RALGPS1: variants seen among roughly 807,000 people sequenced by gnomAD.
The protein encoded by RALGPS1 is Ral GEF with PH domain and SH3 binding motif 1.
A neutral mutation model predicts 78.8 loss-of-function variants in RALGPS1; 19 were observed. The ratio of observed to expected loss-of-function variants is 0.24; its 90% CI spans 0.17 to 0.35. RALGPS1 has a LOEUF of 0.35. Ranked by LOEUF, RALGPS1 falls within the 10% of genes least tolerant of loss-of-function variation. The pLI, the probability that RALGPS1 is intolerant of heterozygous loss-of-function variation, is 1.00. For missense variants in RALGPS1, 454 were observed against 688.3 expected, an observed-to-expected ratio of 0.66 and a Z score of 3.81; for synonymous variants, 228 against 256.3, an observed-to-expected ratio of 0.89 and a Z score of 1.06.
At chr9:127,142,929 G>A (rs1181107039) in intron 8 of RALGPS1, among the ~76,000 whole-genome samples, 1 of 152,098 alleles carries the variant, frequency 6.6e-6, no homozygotes, top group Non-Finnish European at 1.5e-5. Context: ...GGTAGTATGT[G>A]GAAACTACCT....
intron 8 of RALGPS1, among the ~76,000 whole-genome samples, chr9:127,132,553 C>T (rs2057080974): frequency 6.6e-6 from 1 of 152,234 alleles, no homozygotes; most frequent in Non-Finnish European, 1.5e-5. Flanking sequence ...GTCTCCAGTG[C>T]CCAGCACAGT....
At chr9:127,059,123 T>A (rs2048988372) in intron 7 of RALGPS1, among the ~76,000 whole-genome samples, 1 of 152,202 alleles carries the variant, frequency 6.6e-6, no homozygotes, top group Non-Finnish European at 1.5e-5. Flanking sequence ...GGACGGCAGA[T>A]GTATGACATT....
At chr9:127,044,709 A>G (rs2047603390) in intron 5 of RALGPS1, among the ~76,000 whole-genome samples, 1 of 152,170 alleles carries the variant, frequency 6.6e-6, no homozygotes. Context: ...AATAATAGGT[A>G]GTTTCTCAGC....
chr9:126,961,986 T>C (rs1378022987), intron 1 of RALGPS1, among the ~76,000 whole-genome samples: 1 of 152,166 alleles, frequency 6.6e-6, no homozygotes, highest in Non-Finnish European at 1.5e-5. Flanking sequence ...AAATGCAGAA[T>C]TCTATGTGAA....
chr9:127,131,852 C>G (rs1393433570), intron 8 of RALGPS1, among the ~76,000 whole-genome samples: 1 of 152,164 alleles, frequency 6.6e-6, no homozygotes, highest in Non-Finnish European at 1.5e-5. Flanking sequence ...TTCAGCCCAT[C>G]CTAGGTCAGT....
intron 8 of RALGPS1, among the ~76,000 whole-genome samples, chr9:127,110,449 C>T (rs779830484): frequency 6.6e-6 from 1 of 152,228 alleles, no homozygotes; most frequent in Non-Finnish European, 1.5e-5. Context: ...ACTCAGTCCT[C>T]AGAATTTTCT....
intron 7 of RALGPS1, among the ~76,000 whole-genome samples, chr9:127,067,846 C>T (rs185353883): frequency 1.3e-5 from 2 of 152,346 alleles, no homozygotes; most frequent in East Asian, 1.9e-4. Context: ...CACCCCTCCC[C>T]GAACTCCTCC....
rs930103925 is a variant in RALGPS1 at position 127,122,968 on chromosome 9, G to C, written c.611-43101G>C. On this transcript the variant is annotated intron_variant, in intron 8 of 18. Coordinates refer to ENST00000259351, the MANE Select transcript of RALGPS1 (RefSeq NM_014636.3). The surrounding 1 kb of genome is among the most constrained non-coding windows in gnomAD (Gnocchi z 6.4). ...AGCTCAGGCAGCTCCCGCGTGCTGC[G>C]AGGCGGAGCGCTTCCCCTTTGACTC... The C allele has an allele frequency of 9.2e-5, 14 of 152,408 alleles. No individual in the cohort carries two copies. The highest frequency in any genetic ancestry group is 3.4e-4 in the African/African-American group (14 of 41,464). 9.4% of individuals were successfully genotyped at this position (152,408 alleles called of 1,614,324 possible). A position where few individuals can be genotyped will look rare whatever the true frequency, so the allele number is the denominator to read the frequency against.
intron 4 of RALGPS1, among the ~76,000 whole-genome samples, chr9:126,994,529 G>A (rs1171720430): frequency 1.3e-5 from 2 of 152,148 alleles, no homozygotes; most frequent in African/African-American, 4.8e-5. Context: ...ATGGGACTAT[G>A]TGAAAAGACC....
intron 7 of RALGPS1, among the ~76,000 whole-genome samples, chr9:127,053,678 T>C (rs2048482347): frequency 6.6e-6 from 1 of 152,168 alleles, no homozygotes; most frequent in Non-Finnish European, 1.5e-5. Flanking sequence ...AATTGTCAGA[T>C]GTGCTTCTGC....
At chr9:126,964,119 AGGCTGAGGTGGGT>A (rs1001634526) in intron 2 of RALGPS1, among the ~76,000 whole-genome samples, 1 of 151,790 alleles carries the variant, frequency 6.6e-6, no homozygotes, top group Non-Finnish European at 1.5e-5. Context: ...GCACTTTGGG[AGGCTGAGGTGGGT>A]GGATCACCTG....
chr9:127,139,096 A>G (rs762090952), intron 8 of RALGPS1, among the ~76,000 whole-genome samples: 17 of 152,154 alleles, frequency 1.1e-4, no homozygotes, highest in Non-Finnish European at 2.1e-4. Context: ...ATGATCCTGG[A>G]AGCCAGGGAC....
intron 3 of RALGPS1, among the ~76,000 whole-genome samples, chr9:126,969,153 AT>A (rs1377243187): frequency 6.6e-6 from 1 of 152,216 alleles, no homozygotes; most frequent in Admixed American, 6.5e-5. Context: ...AAATATTATC[AT>A]TTTAAAATAT....
At chr9:127,032,299 T>G (rs1401513616) in intron 4 of RALGPS1, among the ~76,000 whole-genome samples, 1 of 152,210 alleles carries the variant, frequency 6.6e-6, no homozygotes, top group African/African-American at 2.4e-5. Context: ...TTTCTGGGTA[T>G]TGTCTGAAGT....
intron 17 of RALGPS1, 42 bp from the exon 18 acceptor site, chr9:127,214,709 T>C: frequency 3.2e-6 from 5 of 1,575,648 alleles, no homozygotes; most frequent in Non-Finnish European, 4.3e-6. Context: ...CTGACCCTCC[T>C]ACGTGGCCCT....
chr9:126,971,221 G>A (rs952091041), intron 3 of RALGPS1, among the ~76,000 whole-genome samples: 2 of 151,872 alleles, frequency 1.3e-5, no homozygotes, highest in Non-Finnish European at 2.9e-5. Flanking sequence ...GAACAAAAAG[G>A]CAAGGGAACT....
In RALGPS1 at chr9:127,050,135, A is replaced by G. The variant is rs1432588464; in HGVS notation, c.390+3A>G. The G allele has an allele frequency of 6.3e-7, 1 of 1,599,888 alleles. No individual in the cohort carries two copies. Among genetic ancestry groups the G allele is most frequent in the Non-Finnish European group, 8.6e-7 (1 of 1,167,184 alleles). On this transcript the variant is annotated splice_donor_region_variant and intron_variant, in intron 6 of 18. Transcript: ENST00000259351. ...GCCATTTTGTGAAAATAGCCAAGGT[A>G]AGCTTTTTATTATTATTTTTCCTTC...
At chr9:127,177,462 C>T (rs904543892) in intron 11 of RALGPS1, among the ~76,000 whole-genome samples, 2 of 152,228 alleles carry the variant, frequency 1.3e-5, no homozygotes, top group African/African-American at 2.4e-5. Context: ...TCTTCCCCTC[C>T]AGGCATCTAT....
chr9:127,001,994 A>G (rs993318298), intron 4 of RALGPS1, among the ~76,000 whole-genome samples: 2 of 152,226 alleles, frequency 1.3e-5, no homozygotes, highest in Non-Finnish European at 2.9e-5. Flanking sequence ...ATTTTTTAAA[A>G]TGCATATAAT....
Sources: gnomAD v4.1 joint callset for allele counts (sites outside exome capture counted in the v4.1 genomes callset) on GRCh38, gnomAD v4.1.1 for gene constraint, Gnocchi (gnomAD v3.1) non-coding constraint, MANE v1.5 for transcripts, NCBI Gene and HGNC (gene_info 2026-07-23, HGNC 2026-07-21) for gene names.